Variants in LRP1B observed in about 807,000 individuals in gnomAD.
LRP1B encodes LDL receptor related protein 1B.
A neutral mutation model predicts 556.6 loss-of-function variants in LRP1B; 217 were observed. The observed-to-expected ratio is 0.39, with a 90% CI of 0.35 to 0.44. The LOEUF is 0.44. LRP1B is among the 20% of genes least tolerant of loss of function. LRP1B has a pLI of 1.00. For missense variants in LRP1B, 5,053 were observed against 5,620.8 expected (o/e 0.90, Z 3.23); for synonymous variants, 2,047 against 1,865.8 (o/e 1.10, Z -2.50).
chr2:142,053,539 G>GA (rs1254636318), intron 1 of LRP1B, among the ~76,000 whole-genome samples: 1 of 151,944 alleles, frequency 6.6e-6, no homozygotes, highest in African/African-American at 2.4e-5. Context: ...ATATGTAATA[G>GA]AAAATTAAAG....
intron 20 of LRP1B, among the ~76,000 whole-genome samples, chr2:140,937,293 A>G (rs1695257676): frequency 6.6e-6 from 1 of 152,158 alleles, no homozygotes; most frequent in Admixed American, 6.6e-5. Context: ...GACATATGCT[A>G]CAGTATGGAA....
chr2:141,759,905 T>C (rs900915899), intron 2 of LRP1B, among the ~76,000 whole-genome samples: 6 of 151,894 alleles, frequency 4.0e-5, no homozygotes, highest in Non-Finnish European at 1.5e-5. Flanking sequence ...CCGAGGCGGG[T>C]AGATCACCTG....
intron 41 of LRP1B, among the ~76,000 whole-genome samples, chr2:140,672,932 A>G (rs148575406): frequency 5.7e-4 from 87 of 152,334 alleles, no homozygotes; most frequent in African/African-American, 2.0e-3. Context: ...ATCACTTCAA[A>G]GAGCTCTCTA....
intron 7 of LRP1B, among the ~76,000 whole-genome samples, chr2:141,149,444 T>TTC (rs1027965993): frequency 1.3e-5 from 2 of 152,222 alleles, no homozygotes; most frequent in Non-Finnish European, 2.9e-5. Flanking sequence ...GAACTTAATC[T>TTC]TCTCAATGGT....
rs188049078 is a variant in LRP1B, at chr2:141,266,902, A to G, written c.344-12261T>C. On this transcript the variant is annotated intron_variant, in intron 3 of 90. Transcript: ENST00000389484. ...AATGTATAATCTTTAGGTATAAGTT[A>G]TTACTGGGAATATTGTATGAGGAAA... Among the ~76,000 whole-genome samples the G allele has an allele frequency of 6.8e-4, 104 of 152,344 alleles. 1 individual carries two copies. Among genetic ancestry groups the G allele is most frequent in the African/African-American group, 2.5e-3 (102 of 41,586 alleles).
At position 141,659,585 on chromosome 2, in the gene LRP1B, C is replaced by A. The variant is rs904536105; in HGVS notation, c.205+150694G>T. ...TGAGGCAAGAAATACAGAGTCAAAG[C>A]AGGTTTTGGGTGGGTCTGGTTTGGG... On this transcript the variant is annotated intron_variant, in intron 2 of 90. Coordinates refer to ENST00000389484, the MANE Select transcript of LRP1B (RefSeq NM_018557.3). 4.6e-5 allele frequency among the ~76,000 whole-genome samples: 7 copies of A among 152,070 alleles called. No homozygotes were observed. In the East Asian group the frequency reaches 1.2e-3, roughly 25 times the overall value.
intron 20 of LRP1B, among the ~76,000 whole-genome samples, chr2:140,945,108 C>T (rs1053951005): frequency 6.6e-6 from 1 of 152,072 alleles, no homozygotes; most frequent in African/African-American, 2.4e-5. Flanking sequence ...ACACTAATAG[C>T]ATTCAAGCTG....
intron 2 of LRP1B, among the ~76,000 whole-genome samples, chr2:141,676,639 T>C (rs1210021604): frequency 1.3e-5 from 2 of 152,180 alleles, no homozygotes; most frequent in East Asian, 1.9e-4. Flanking sequence ...TTAGAATTGT[T>C]TAATTTTAGA....
At chr2:140,247,266 C>A in intron 86 of LRP1B, 104 bp from the exon 87 acceptor site, 1 of 729,166 alleles carries the variant, frequency 1.4e-6, no homozygotes, top group Non-Finnish European at 2.5e-6. Flanking sequence ...AGGAGCCAGT[C>A]ATCACAAATT....
At chr2:141,068,143 A>C (rs992318557) in intron 7 of LRP1B, among the ~76,000 whole-genome samples, 2 of 152,020 alleles carry the variant, frequency 1.3e-5, no homozygotes, top group African/African-American at 4.8e-5. Flanking sequence ...AGATTCAGAA[A>C]AATTGTGTTC....
chr2:140,933,372 G>A (rs777649888), intron 20 of LRP1B, among the ~76,000 whole-genome samples: 2 of 152,042 alleles, frequency 1.3e-5, no homozygotes, highest in Non-Finnish European at 2.9e-5. Flanking sequence ...TCTCATTACT[G>A]AGGAATGAAG....
At chr2:141,233,560 T>C (rs932990923) in intron 5 of LRP1B, among the ~76,000 whole-genome samples, 2 of 152,160 alleles carry the variant, frequency 1.3e-5, no homozygotes, top group African/African-American at 2.4e-5. Flanking sequence ...TTCATAAAAA[T>C]ACCTATTTAA....
chr2:141,802,674 C>T (rs1217350935), intron 2 of LRP1B, among the ~76,000 whole-genome samples: 1 of 152,004 alleles, frequency 6.6e-6, no homozygotes. Context: ...ACACGACATC[C>T]TTTAGTGCTT....
chr2:140,284,831 A>G (rs1573733137), intron 84 of LRP1B, among the ~76,000 whole-genome samples: 1 of 151,286 alleles, frequency 6.6e-6, no homozygotes, highest in East Asian at 2.0e-4. Context: ...CTCTCTATAC[A>G]TATATCTTGC....
At chr2:141,439,414 G>C (rs947688610) in intron 3 of LRP1B, among the ~76,000 whole-genome samples, 1 of 151,578 alleles carries the variant, frequency 6.6e-6, no homozygotes, top group African/African-American at 2.4e-5. Context: ...TTTAGAACTA[G>C]AATCAATAAC....
chr2:141,145,822 T>C (rs1701768831), intron 7 of LRP1B, among the ~76,000 whole-genome samples: 5 of 151,672 alleles, frequency 3.3e-5, no homozygotes. Context: ...CATGAGCCAC[T>C]GCGCCCAGAT....
intron 2 of LRP1B, among the ~76,000 whole-genome samples, chr2:141,676,834 T>C (rs1237318362): frequency 6.6e-6 from 1 of 152,176 alleles, no homozygotes; most frequent in Non-Finnish European, 1.5e-5. Context: ...CCTGTGAAGA[T>C]AGAACTTGCA....
intron 32 of LRP1B, among the ~76,000 whole-genome samples, chr2:140,803,692 G>T (rs1213494725): frequency 6.6e-6 from 1 of 152,022 alleles, no homozygotes; most frequent in South Asian, 2.1e-4. Context: ...TGCACTGATT[G>T]TGGTATTCTG....
intron 35 of LRP1B, among the ~76,000 whole-genome samples, chr2:140,735,653 C>T (rs1364558574): frequency 1.3e-5 from 2 of 152,114 alleles, no homozygotes; most frequent in Non-Finnish European, 2.9e-5. Context: ...GCAGAGATGG[C>T]CCAGTCTTCC....
Sources: gnomAD v4.1 joint callset for allele counts (sites outside exome capture counted in the v4.1 genomes callset) on GRCh38, gnomAD v4.1.1 for gene constraint, MANE v1.5 for transcripts, NCBI Gene and HGNC (gene_info 2026-07-23, HGNC 2026-07-21) for gene names.